The following RAB3GAP2 variants were observed in gnomAD, a reference collection of about 807,000 sequenced individuals.
RAB3GAP2 encodes the protein RAB3 GTPase activating non-catalytic protein subunit 2, also known as rab3 GTPase-activating protein non-catalytic subunit.
A neutral mutation model predicts 185.3 loss-of-function variants in RAB3GAP2; 87 were observed. The ratio of observed to expected loss-of-function variants is 0.47; its 90% CI spans 0.39 to 0.56. RAB3GAP2 has a LOEUF of 0.56. RAB3GAP2 is among the 20% of genes least tolerant of loss of function. The probability of loss-of-function intolerance (pLI) is 0.00; values close to 1 mark genes in which losing one functional copy is unlikely to be tolerated. For synonymous variants in RAB3GAP2, 554 were observed against 576.1 expected, an observed-to-expected ratio of 0.96 and a Z score of 0.55; for missense variants, 1,492 against 1,638.2, an observed-to-expected ratio of 0.91 and a Z score of 1.54.
intron 1 of RAB3GAP2, among the ~76,000 whole-genome samples, chr1:220,263,483 T>C (rs1660177224): frequency 6.6e-6 from 1 of 152,138 alleles, no homozygotes; most frequent in African/African-American, 2.4e-5. Flanking sequence ...AAGATAAGGA[T>C]TCAATTTCAT....
intron 1 of RAB3GAP2, among the ~76,000 whole-genome samples, chr1:220,242,583 A>G (rs895643539): frequency 1.1e-4 from 16 of 152,018 alleles, no homozygotes; most frequent in African/African-American, 3.6e-4. Flanking sequence ...CCACTGTGTC[A>G]ATGTAGCATA....
intron 2 of RAB3GAP2, among the ~76,000 whole-genome samples, chr1:220,227,435 A>G (rs987272495): frequency 1.3e-5 from 2 of 152,252 alleles, no homozygotes; most frequent in African/African-American, 4.8e-5. Context: ...ATTTTCTGCC[A>G]TAAAAATAAG....
intron 2 of RAB3GAP2, among the ~76,000 whole-genome samples, chr1:220,216,816 C>G (rs1460790000): frequency 6.6e-6 from 1 of 152,014 alleles, no homozygotes; most frequent in Non-Finnish European, 1.5e-5. Flanking sequence ...CAAATAGATT[C>G]CTTCCTCTTA....
rs774456466 is a variant in RAB3GAP2, at chr1:220,167,592, C to T, written c.2890G>A (p.Asp964Asn). ...EVLKLANEER[D>N]AENPDEPKEG... ...TTGGGTTCATCTGGGTTTTCTGCAT[C>T]TCTTTCTTCATTAGCCAGTTTTAAT... Residue 964 changes from aspartate to asparagine, a missense_variant, in exon 25 of 35, where the codon GAT (aspartate) becomes AAT (asparagine). Asp to Asn is a conservative substitution (Grantham distance 23). Coordinates refer to ENST00000358951, the MANE Select transcript of RAB3GAP2 (RefSeq NM_012414.4). 6.2e-7 allele frequency: 1 copy of T among 1,614,168 alleles called. No individual in the cohort carries two copies. The highest frequency in any genetic ancestry group is 1.1e-5 in the South Asian group (1 of 91,082).
At chr1:220,234,842 T>G (rs750405186) in intron 1 of RAB3GAP2, among the ~76,000 whole-genome samples, 1 of 152,158 alleles carries the variant, frequency 6.6e-6, no homozygotes, top group Non-Finnish European at 1.5e-5. Flanking sequence ...GGGGAAAAAG[T>G]CAACATGAAT....
intron 1 of RAB3GAP2, among the ~76,000 whole-genome samples, chr1:220,250,154 T>C (rs1460455528): frequency 6.6e-6 from 1 of 151,798 alleles, no homozygotes; most frequent in Non-Finnish European, 1.5e-5. Context: ...ACATCAGCCA[T>C]GAAGGAGGCC....
chr1:220,250,342 C>T (rs1375362781), intron 1 of RAB3GAP2, among the ~76,000 whole-genome samples: 1 of 152,174 alleles, frequency 6.6e-6, no homozygotes, highest in African/African-American at 2.4e-5. Flanking sequence ...GGCCTGTAGC[C>T]CCTTTGTTTT....
chr1:220,203,611 CTGA>C (rs1658903743), intron 8 of RAB3GAP2, among the ~76,000 whole-genome samples: 1 of 152,034 alleles, frequency 6.6e-6, no homozygotes, highest in African/African-American at 2.4e-5. Context: ...AATTAAATTG[CTGA>C]TGATACCAAT....
At chr1:220,166,847 T>C (rs2102856778) in intron 26 of RAB3GAP2, among the ~76,000 whole-genome samples, 1 of 152,338 alleles carries the variant, frequency 6.6e-6, no homozygotes, top group African/African-American at 2.4e-5. Flanking sequence ...ACCTTCACTC[T>C]TGACTTTTAT....
At chr1:220,202,196 GC>G in intron 9 of RAB3GAP2, 79 bp downstream of exon 9, 2 of 1,417,622 alleles carry the variant, frequency 1.4e-6, no homozygotes. Flanking sequence ...AAGAATAAAT[GC>G]CCATTTCTAA....
At chr1:220,238,165 C>T (rs1261716262) in intron 1 of RAB3GAP2, among the ~76,000 whole-genome samples, 2 of 152,160 alleles carry the variant, frequency 1.3e-5, no homozygotes, top group Non-Finnish European at 2.9e-5. Flanking sequence ...CTTGGCCTCC[C>T]AAGTAGCTGG....
rs772228952 is a variant in RAB3GAP2 at position 220,272,440 on chromosome 1, G to T, written c.-103C>A. On this transcript the variant is annotated 5_prime_UTR_variant, in exon 1 of 35. It adds an upstream start codon to the 5' untranslated region. Coordinates refer to ENST00000358951, the MANE Select transcript of RAB3GAP2 (RefSeq NM_012414.4). ...GAGCCCCAATAGCTCTAGCCAAGCA[G>T]AAGGCGGAGAAACCAAACCGGAAGC... 1.3e-6 allele frequency: 1 copy of T among 764,592 alleles called. No homozygotes were observed. The highest frequency in any genetic ancestry group is 2.3e-6 in the Non-Finnish European group (1 of 436,274). The allele number at this position is 764,592 out of a possible 1,614,324, so 47.4% of individuals were successfully genotyped here.
At chr1:220,233,209 T>C (rs1361341669) in intron 1 of RAB3GAP2, among the ~76,000 whole-genome samples, 1 of 152,148 alleles carries the variant, frequency 6.6e-6, no homozygotes, top group African/African-American at 2.4e-5. Context: ...CAAATGTTTA[T>C]TACTCAAGAT....
intron 1 of RAB3GAP2, among the ~76,000 whole-genome samples, chr1:220,241,766 G>A (rs945624290): frequency 8.6e-5 from 13 of 151,826 alleles, no homozygotes; most frequent in Non-Finnish European, 7.4e-5. Context: ...TTTCATATTA[G>A]TCACTTAGTC....
chr1:220,239,007 G>T (rs2102895198), intron 1 of RAB3GAP2, among the ~76,000 whole-genome samples: 1 of 152,226 alleles, frequency 6.6e-6, no homozygotes, highest in South Asian at 2.1e-4. Flanking sequence ...TAAACGAATA[G>T]TAATTGAAAA....
chr1:220,212,860 G>C (rs1006974893), intron 4 of RAB3GAP2, 27 bp downstream of exon 4: 3 of 1,566,480 alleles, frequency 1.9e-6, no homozygotes, highest in Non-Finnish European at 8.8e-7. Flanking sequence ...GTAACACACA[G>C]AGAAACAAAA....
intron 1 of RAB3GAP2, among the ~76,000 whole-genome samples, chr1:220,245,308 C>T (rs947579375): frequency 2.1e-4 from 32 of 152,264 alleles, no homozygotes; most frequent in African/African-American, 5.8e-4. Flanking sequence ...CCAGTGGGTG[C>T]GCGCACCATG....
intron 1 of RAB3GAP2, among the ~76,000 whole-genome samples, chr1:220,250,395 C>T (rs1659910149): frequency 6.6e-6 from 1 of 152,228 alleles, no homozygotes; most frequent in Non-Finnish European, 1.5e-5. Context: ...TACCCCATGC[C>T]TGTACTCACA....
chr1:220,194,338 G>C (rs1452092333), intron 12 of RAB3GAP2, among the ~76,000 whole-genome samples: 1 of 150,884 alleles, frequency 6.6e-6, no homozygotes, highest in African/African-American at 2.4e-5. Flanking sequence ...AAGTAAACAA[G>C]GAAGCACAGG....
Sources: allele counts gnomAD v4.1 joint callset (sites outside exome capture counted in the v4.1 genomes callset), GRCh38; gene constraint gnomAD v4.1.1; transcripts MANE v1.5; gene names NCBI Gene and HGNC (gene_info 2026-07-23, HGNC 2026-07-21).